ABCB1: variants seen among roughly 807,000 people sequenced by gnomAD.
ABCB1 encodes ATP binding cassette subfamily B member 1, also known as ATP-dependent translocase ABCB1.
ABCB1 carries 69 observed loss-of-function variants against 142.0 expected under a neutral mutation model. That is an observed-to-expected ratio of 0.49 (90% CI 0.40 to 0.59). ABCB1 has a LOEUF of 0.59. ABCB1 is among the 20% of genes least tolerant of loss of function. The pLI, the probability that ABCB1 is intolerant of heterozygous loss-of-function variation, is 0.00. For missense variants in ABCB1, 1,326 were observed against 1,554.7 expected, an observed-to-expected ratio of 0.85 and a Z score of 2.47; for synonymous variants, 532 against 539.2, an observed-to-expected ratio of 0.99 and a Z score of 0.18.
intron 21 of ABCB1, chr7:87,521,937 G>GT: frequency 1.3e-6 from 1 of 783,830 alleles, no homozygotes; most frequent in East Asian, 2.4e-5. Context: ...ATGACTCCAT[G>GT]GGTAAGACTG....
chr7:87,673,436 T>C (rs756828533), intron 1 of ABCB1, among the ~76,000 whole-genome samples: 2 of 152,226 alleles, frequency 1.3e-5, no homozygotes, highest in Admixed American at 1.3e-4. Flanking sequence ...TTTTTTCTTT[T>C]TCTGACTGAG....
At chr7:87,580,140 G>A (rs1380875412) in intron 4 of ABCB1, among the ~76,000 whole-genome samples, 1 of 152,076 alleles carries the variant, frequency 6.6e-6, no homozygotes, top group African/African-American at 2.4e-5. Flanking sequence ...TATTACCAGT[G>A]AGTTTTGTAC....
chr7:87,504,217 T>C lies in ABCB1; in HGVS notation c.*26A>G. The C allele has an allele frequency of 6.2e-7, 1 of 1,613,514 alleles. No homozygotes were observed. Among genetic ancestry groups the C allele is most frequent in the Non-Finnish European group, 8.5e-7 (1 of 1,179,576 alleles). Reference sequence around the variant, plus strand: ...TCATATCTAAACAAATATTAAAAAGTATTTAACATCTCATACAGTCAGAGT... The same window carrying C: ...TCATATCTAAACAAATATTAAAAAGCATTTAACATCTCATACAGTCAGAGT... On this transcript the variant is annotated 3_prime_UTR_variant, in exon 28 of 28. Transcript: ENST00000622132.
At chr7:87,703,711 T>A (rs1008717987) in intron 1 of ABCB1, among the ~76,000 whole-genome samples, 1 of 151,864 alleles carries the variant, frequency 6.6e-6, no homozygotes, top group Non-Finnish European at 1.5e-5. Context: ...ATCCTATTGT[T>A]ATTACATATT....
At chr7:87,693,928 T>G (rs757981347) in intron 1 of ABCB1, 1 of 1,611,280 alleles carries the variant, frequency 6.2e-7, no homozygotes, top group East Asian at 2.2e-5. Flanking sequence ...AAGTTGCAGA[T>G]GGCTGGCTCA....
intron 8 of ABCB1, among the ~76,000 whole-genome samples, chr7:87,560,842 T>G (rs1215950481): frequency 6.6e-6 from 1 of 152,192 alleles, no homozygotes; most frequent in Non-Finnish European, 1.5e-5. Context: ...AAGTGCTTTT[T>G]GGTTATATTT....
intron 1 of ABCB1, among the ~76,000 whole-genome samples, chr7:87,671,055 T>A (rs1443945930): frequency 6.6e-6 from 1 of 152,168 alleles, no homozygotes; most frequent in South Asian, 2.1e-4. Flanking sequence ...TTTGCTTGTT[T>A]CCTGGGGGCT....
upstream of ABCB1, among the ~76,000 whole-genome samples, chr7:87,602,395 T>C (rs1819497492): frequency 6.6e-6 from 1 of 151,690 alleles, no homozygotes; most frequent in East Asian, 1.9e-4. Flanking sequence ...TGTACAGCAT[T>C]GTTCACTGTT....
chr7:87,612,386 T>C (rs1819883773), intron 1 of ABCB1, among the ~76,000 whole-genome samples: 2 of 152,206 alleles, frequency 1.3e-5, no homozygotes, highest in African/African-American at 2.4e-5. Context: ...AGAATTTTTA[T>C]GGTTTCAGGT....
chr7:87,620,968 G>A (rs1372889424), intron 1 of ABCB1, among the ~76,000 whole-genome samples: 13 of 151,682 alleles, frequency 8.6e-5, no homozygotes, highest in African/African-American at 2.7e-4. Context: ...ATACCAGTCC[G>A]AAACTCCATG....
intron 4 of ABCB1, among the ~76,000 whole-genome samples, chr7:87,584,429 A>G (rs1818644859): frequency 6.6e-6 from 1 of 152,176 alleles, no homozygotes; most frequent in Admixed American, 6.5e-5. Context: ...TGACCACCTG[A>G]GTGCAAACTG....
chr7:87,532,474 T>C (rs1003926444), intron 20 of ABCB1, among the ~76,000 whole-genome samples: 16 of 152,306 alleles, frequency 1.1e-4, no homozygotes, highest in Non-Finnish European at 2.2e-4. Flanking sequence ...GTGACAAAAG[T>C]GACCTCTGGT....
chr7:87,630,974 G>T (rs1239193220), intron 1 of ABCB1, among the ~76,000 whole-genome samples: 1 of 152,098 alleles, frequency 6.6e-6, no homozygotes, highest in Non-Finnish European at 1.5e-5. Flanking sequence ...GTATTTTCAT[G>T]ATTGTAATTT....
At chr7:87,519,870 T>C (rs1815416812) in intron 22 of ABCB1, among the ~76,000 whole-genome samples, 1 of 152,216 alleles carries the variant, frequency 6.6e-6, no homozygotes. Flanking sequence ...GCAGGGGCCA[T>C]GATGGGTTGA....
At chr7:87,522,967 T>C (rs368651396) in intron 21 of ABCB1, among the ~76,000 whole-genome samples, 4 of 152,346 alleles carry the variant, frequency 2.6e-5, no homozygotes, top group African/African-American at 9.6e-5. Flanking sequence ...TATTCCTTTA[T>C]TGTTGAGCCA....
At chr7:87,589,930 C>T (rs1335148660) in intron 3 of ABCB1, among the ~76,000 whole-genome samples, 2 of 151,766 alleles carry the variant, frequency 1.3e-5, no homozygotes, top group Non-Finnish European at 2.9e-5. Context: ...ACCAGAACCA[C>T]ATAAAAGGCA....
chr7:87,637,088 T>C (rs76180837), intron 1 of ABCB1, among the ~76,000 whole-genome samples: 1,636 of 152,310 alleles, frequency 0.011, 24 homozygotes, highest in African/African-American at 0.038. Flanking sequence ...ATCCCCATGA[T>C]TCAATTACCT....
chr7:87,610,237 T>C (rs899768316), intron 1 of ABCB1, among the ~76,000 whole-genome samples: 17 of 142,498 alleles, frequency 1.2e-4, no homozygotes, highest in African/African-American at 3.6e-4. Context: ...TCTTTCTTTT[T>C]TTTTTTTTTT....
intron 7 of ABCB1, among the ~76,000 whole-genome samples, chr7:87,562,010 CA>C (rs1210299497): frequency 6.6e-6 from 1 of 151,988 alleles, no homozygotes; most frequent in East Asian, 1.9e-4. Context: ...CAAAATTACA[CA>C]AAACCAATTT....
Sources: gnomAD v4.1 joint callset for allele counts (sites outside exome capture counted in the v4.1 genomes callset) on GRCh38, gnomAD v4.1.1 for gene constraint, MANE v1.5 for transcripts, NCBI Gene and HGNC (gene_info 2026-07-23, HGNC 2026-07-21) for gene names.